Variants in PRPF3 observed in about 807,000 individuals in gnomAD.
PRPF3 encodes U4/U6 small nuclear ribonucleoprotein Prp3.
PRPF3 carries 3 observed loss-of-function variants against 89.2 expected under a neutral mutation model. That is an observed-to-expected ratio of 0.03 (90% CI 0.02 to 0.09). The LOEUF is 0.09. Ranked by LOEUF, PRPF3 falls within the 10% of genes least tolerant of loss-of-function variation. PRPF3 has a pLI of 1.00. For synonymous variants in PRPF3, 270 were observed against 289.1 expected, an observed-to-expected ratio of 0.93 and a Z score of 0.67; for missense variants, 463 against 828.8, an observed-to-expected ratio of 0.56 and a Z score of 5.42.
intron 7 of PRPF3, 53 bp from the exon 8 acceptor site, chr1:150,338,105 TTC>T (rs1553868734): frequency 6.4e-7 from 1 of 1,553,214 alleles, no homozygotes; most frequent in African/African-American, 1.4e-5. Context: ...ATTCTACACA[TTC>T]TGTTTTCTAT....
chr1:150,342,344 C>T (rs1657838752), intron 9 of PRPF3, among the ~76,000 whole-genome samples: 1 of 151,962 alleles, frequency 6.6e-6, no homozygotes, highest in Admixed American at 6.6e-5. Context: ...TGCGCCACTG[C>T]ACTCCAGCCT....
chr1:150,351,670 T>TC (rs1658942583), intron 15 of PRPF3, among the ~76,000 whole-genome samples: 2 of 143,538 alleles, frequency 1.4e-5, no homozygotes, highest in Non-Finnish European at 3.1e-5. Context: ...CTGGCTAATT[T>TC]TTTTTTTTTT....
intron 1 of PRPF3, among the ~76,000 whole-genome samples, chr1:150,322,570 C>T (rs1655173742): frequency 6.6e-6 from 1 of 152,108 alleles, no homozygotes; most frequent in Non-Finnish European, 1.5e-5. Context: ...ATAGAACCAC[C>T]ATAGAATTAC....
chr1:150,328,231 G>A, intron 3 of PRPF3, 89 bp from the exon 4 acceptor site: 3 of 1,523,442 alleles, frequency 2.0e-6, no homozygotes, highest in South Asian at 2.3e-5. Context: ...CCTGGGAATA[G>A]CCAGAAAATG....
intron 7 of PRPF3, among the ~76,000 whole-genome samples, 172 bp from the exon 8 acceptor site, chr1:150,337,988 C>A (rs1428209571): frequency 6.6e-6 from 1 of 151,382 alleles, no homozygotes; most frequent in African/African-American, 2.4e-5. Context: ...GCAGGAGAAT[C>A]GCTTAAACCT....
intron 1 of PRPF3, among the ~76,000 whole-genome samples, chr1:150,322,876 CTTT>C (rs113626826): frequency 1.4e-5 from 2 of 146,386 alleles, no homozygotes; most frequent in Non-Finnish European, 3.0e-5. Flanking sequence ...ATTTAGACAC[CTTT>C]TTTTTTTTTC....
chr1:150,324,972 G>A lies in PRPF3; in HGVS notation c.30G>A (p.Glu10=). The change falls in exon 2 of 16, where the codon GAG becomes GAA. Residue 10 remains glutamate, a synonymous_variant. Transcript: ENST00000324862. MALSKRELD[E]LKPWIEKTVK... ...CACTGTCAAAGAGGGAGCTGGATGAGCTGAAACCATGGATAGAGAAGACAG... is the reference window on the plus strand; with the variant it reads ...CACTGTCAAAGAGGGAGCTGGATGAACTGAAACCATGGATAGAGAAGACAG... 1.9e-6 allele frequency: 3 copies of A among 1,612,462 alleles called. No homozygotes were observed. The highest frequency in any genetic ancestry group is 2.5e-6 in the Non-Finnish European group (3 of 1,179,512).
chr1:150,349,109 T>C, intron 14 of PRPF3, 48 bp from the exon 15 acceptor site: 1 of 1,453,734 alleles, frequency 6.9e-7, no homozygotes, highest in Non-Finnish European at 9.7e-7. Context: ...ATTATTTGTT[T>C]AGAACCTGAA....
At chr1:150,345,890 T>G in intron 12 of PRPF3, 128 bp from the exon 13 acceptor site, 1 of 774,582 alleles carries the variant, frequency 1.3e-6, no homozygotes, top group Non-Finnish European at 2.4e-6. Flanking sequence ...CATTCATCTA[T>G]TTGTTTACTC....
chr1:150,348,573 CTGCCT>C (rs1658565766), intron 14 of PRPF3: 1 of 146,552 alleles, frequency 6.8e-6, no homozygotes, highest in Non-Finnish European at 1.5e-5. Flanking sequence ...AGTGATTCTC[CTGCCT>C]CGGCCTCCTG....
chr1:150,341,400 A>ATTTTTTTTTTTT (rs1169772517), intron 9 of PRPF3, among the ~76,000 whole-genome samples: 1 of 101,904 alleles, frequency 9.8e-6, no homozygotes, highest in Non-Finnish European at 1.9e-5. Context: ...AGTTGCTTCT[A>ATTTTTTTTTTTT]TTTTTTTTTT....
rs1156376693 is a variant in PRPF3, at chr1:150,340,314, G to T, written c.1203-84G>T. Reference sequence around the variant, plus strand: ...CACAAGAACCCATTATAGAGAGTGGGTTTTTTCATTGTATTTCTGAGACTC... The same window carrying T: ...CACAAGAACCCATTATAGAGAGTGGTTTTTTTCATTGTATTTCTGAGACTC... On this transcript the variant is annotated intron_variant, in intron 8 of 15. Coordinates refer to ENST00000324862, the MANE Select transcript of PRPF3 (RefSeq NM_004698.4). 19 of 1,027,772 alleles carry T rather than the reference G, an allele frequency of 1.8e-5. No individual in the cohort carries two copies. The Admixed American group carries it at 2.0e-4, about 11-fold the overall frequency. 63.7% of individuals were successfully genotyped at this position (1,027,772 alleles called of 1,614,324 possible).
At chr1:150,325,983 G>A in intron 3 of PRPF3, 102 bp downstream of exon 3, 1 of 1,446,664 alleles carries the variant, frequency 6.9e-7, no homozygotes, top group Non-Finnish European at 9.6e-7. Context: ...ATTTAGAGCA[G>A]CAAATGTTCA....
At chr1:150,351,667 A>ATT (rs10692607) in intron 15 of PRPF3, among the ~76,000 whole-genome samples, 989 of 94,438 alleles carry the variant, frequency 0.01, 48 homozygotes, top group African/African-American at 0.036. Flanking sequence ...TGCCTGGCTA[A>ATT]TTTTTTTTTT....
chr1:150,324,266 T>G (rs1217258027), intron 1 of PRPF3, among the ~76,000 whole-genome samples: 1 of 152,212 alleles, frequency 6.6e-6, no homozygotes, highest in Non-Finnish European at 1.5e-5. Flanking sequence ...TAGTTCTGTT[T>G]TAGTGTTACT....
At chr1:150,348,460 A>ATATTTTTTTTTTTTTTT (rs1658530111) in intron 14 of PRPF3, among the ~76,000 whole-genome samples, 1 of 48,464 alleles carries the variant, frequency 2.1e-5, no homozygotes, top group Non-Finnish European at 3.5e-5. Flanking sequence ...CTACACGTGC[A>ATATTTTTTTTTTTTTTT]TTTTTTTTTT....
chr1:150,337,011 C>A (rs1453414907), intron 7 of PRPF3, among the ~76,000 whole-genome samples: 1 of 149,564 alleles, frequency 6.7e-6, no homozygotes, highest in Non-Finnish European at 1.5e-5. Flanking sequence ...GCCTTTTTAT[C>A]CTCTCAAAGT....
At chr1:150,324,796 C>A in intron 1 of PRPF3, 99 bp from the exon 2 acceptor site, 2 of 911,500 alleles carry the variant, frequency 2.2e-6, no homozygotes, top group Admixed American at 2.4e-5. Context: ...GTCCATCCAC[C>A]TTGGCCTCCC....
At chr1:150,341,445 G>A (rs1657716074) in intron 9 of PRPF3, among the ~76,000 whole-genome samples, 1 of 135,194 alleles carries the variant, frequency 7.4e-6, no homozygotes, top group Non-Finnish European at 1.5e-5. Flanking sequence ...CGCTCTTGTG[G>A]TCCAGGCTGC....
Sources: gnomAD v4.1 joint callset for allele counts (sites outside exome capture counted in the v4.1 genomes callset) on GRCh38, gnomAD v4.1.1 for gene constraint, MANE v1.5 for transcripts, NCBI Gene and HGNC (gene_info 2026-07-23, HGNC 2026-07-21) for gene names.